Variants in GTF2I observed in about 807,000 individuals in gnomAD.
The protein encoded by GTF2I is general transcription factor II-I.
GTF2I carries 12 observed loss-of-function variants against 67.6 expected under a neutral mutation model. The ratio of observed to expected loss-of-function variants is 0.18; its 90% confidence interval spans 0.11 to 0.29. The LOEUF is 0.29. Among genes scored for constraint, GTF2I ranks in the 10% least tolerant of loss-of-function variants. GTF2I has a pLI of 1.00. For missense variants in GTF2I, 271 were observed against 580.1 expected, an observed-to-expected ratio of 0.47 and a Z score of 5.47; for synonymous variants, 149 against 197.0, an observed-to-expected ratio of 0.76 and a Z score of 2.04.
intron 8 of GTF2I, 70 bp downstream of exon 8, chr7:74,706,503 G>C: frequency 8.7e-7 from 1 of 1,145,726 alleles, no homozygotes; most frequent in Non-Finnish European, 1.3e-6. Context: ...GAAGTTTATA[G>C]TTTGACTCAA....
In GTF2I at chr7:74,683,130, AG is replaced by A. The variant is rs1787404669; in HGVS notation, c.-5-5992del. ...AATAGCTTAGAGTTTTCCACATCGAAGGATACCATTTCATAGTTAAGCCCAT... is the reference window on the plus strand; with the variant it reads ...AATAGCTTAGAGTTTTCCACATCGAAGATACCATTTCATAGTTAAGCCCAT... On this transcript the variant is annotated intron_variant, in intron 1 of 34. Coordinates refer to ENST00000573035, the MANE Select transcript of GTF2I (RefSeq NM_032999.4). 3.3e-5 allele frequency among the ~76,000 whole-genome samples: 5 copies of A among 152,340 alleles called. No individual in the cohort carries two copies. The South Asian group carries it at 1.0e-3, about 32-fold the overall frequency.
chr7:74,728,534 T>C (rs1554406171), intron 12 of GTF2I, among the ~76,000 whole-genome samples: 1 of 103,368 alleles, frequency 9.7e-6, no homozygotes, highest in Non-Finnish European at 1.9e-5. Flanking sequence ...ATAATGACAA[T>C]TCAAATGAAG....
chr7:74,701,542 C>G (rs2131344809), intron 6 of GTF2I, among the ~76,000 whole-genome samples: 1 of 152,094 alleles, frequency 6.6e-6, no homozygotes, highest in Non-Finnish European at 1.5e-5. Flanking sequence ...GCGATCTTGG[C>G]TCACTGCAGC....
chr7:74,713,369 C>A (rs921991287), intron 9 of GTF2I, among the ~76,000 whole-genome samples: 5 of 152,120 alleles, frequency 3.3e-5, no homozygotes, highest in Non-Finnish European at 4.4e-5. Context: ...TATGTACAGT[C>A]ATGTGGGAGA....
intron 1 of GTF2I, among the ~76,000 whole-genome samples, chr7:74,660,345 C>G (rs1804364793): frequency 6.6e-6 from 1 of 151,606 alleles, no homozygotes; most frequent in Non-Finnish European, 1.5e-5. Context: ...GCGCCTGCCC[C>G]CAAGCCCCGC....
chr7:74,708,098 G>T (rs2131381266), intron 8 of GTF2I, among the ~76,000 whole-genome samples: 1 of 152,198 alleles, frequency 6.6e-6, no homozygotes, highest in Middle Eastern at 3.4e-3. Context: ...TCAGGAGTTG[G>T]AGACCGGCCT....
intron 7 of GTF2I, among the ~76,000 whole-genome samples, chr7:74,705,619 G>C (rs782648191): frequency 6.6e-6 from 1 of 150,566 alleles, no homozygotes; most frequent in Admixed American, 6.7e-5. Context: ...GTGAAGTGGC[G>C]CGATCTCGGC....
In GTF2I at chr7:74,700,444, TC is replaced by T; in HGVS notation, c.557+17del. 1 of 1,613,972 alleles carries T rather than the reference TC, an allele frequency of 6.2e-7. No individual in the cohort carries two copies. Among genetic ancestry groups the T allele is most frequent in the Non-Finnish European group, 8.5e-7 (1 of 1,179,804 alleles). On this transcript the variant is annotated intron_variant, in intron 5 of 34. Coordinates refer to ENST00000573035, the MANE Select transcript of GTF2I (RefSeq NM_032999.4). ...CATCATTAAGAGGTGAAGTGCTTTC[TC>T]CCTTTGTACCCATCAACAGTTGATT... is the stretch of plus-strand genomic sequence containing the variant.
intron 18 of GTF2I, among the ~76,000 whole-genome samples, chr7:74,737,191 T>C: frequency 6.8e-6 from 1 of 147,320 alleles, no homozygotes. Flanking sequence ...AGACTCCATC[T>C]CAAAATAATT....
At chr7:74,689,037 AG>A in intron 1 of GTF2I, 86 bp from the exon 2 acceptor site, 1 of 735,938 alleles carries the variant, frequency 1.4e-6, no homozygotes, top group South Asian at 1.6e-5. Flanking sequence ...TAAATTAGGC[AG>A]CCGGTGAGGG....
chr7:74,684,257 CCTT>C (rs1469182799), intron 1 of GTF2I, among the ~76,000 whole-genome samples: 3 of 152,180 alleles, frequency 2.0e-5, no homozygotes, highest in African/African-American at 7.2e-5. Context: ...TTTTTCCAAC[CCTT>C]CTTATTTTAA....
intron 1 of GTF2I, among the ~76,000 whole-genome samples, chr7:74,660,894 C>T (rs587739139): frequency 1.3e-5 from 2 of 152,172 alleles, no homozygotes; most frequent in African/African-American, 4.8e-5. Flanking sequence ...CTCCACTTCC[C>T]CCTCCAGTTT....
intron 12 of GTF2I, 86 bp downstream of exon 12, chr7:74,719,027 A>G: frequency 1.4e-6 from 1 of 704,264 alleles, no homozygotes. Flanking sequence ...TATGCATTTC[A>G]TTCATTTTTA....
At chr7:74,703,864 C>T (rs193257723) in intron 6 of GTF2I, among the ~76,000 whole-genome samples, 7 of 152,250 alleles carry the variant, frequency 4.6e-5, no homozygotes, top group East Asian at 1.9e-4. Context: ...TCTTTTTGCA[C>T]GTGGATATCC....
At chr7:74,664,736 ACT>A (rs1241121773) in intron 1 of GTF2I, among the ~76,000 whole-genome samples, 3 of 151,172 alleles carry the variant, frequency 2.0e-5, no homozygotes, top group South Asian at 4.2e-4. Flanking sequence ...CCTGGCCAAC[ACT>A]CTATGTAGGA....
intron 1 of GTF2I, among the ~76,000 whole-genome samples, chr7:74,671,275 C>G (rs1003894749): frequency 5.3e-5 from 8 of 151,668 alleles, no homozygotes; most frequent in African/African-American, 1.9e-4. Flanking sequence ...TTGGTAGAGA[C>G]AGAATTTCAC....
At chr7:74,712,096 T>C (rs1791623328) in intron 9 of GTF2I, among the ~76,000 whole-genome samples, 2 of 151,912 alleles carry the variant, frequency 1.3e-5, no homozygotes, top group African/African-American at 4.8e-5. Flanking sequence ...ATAGCAGGTG[T>C]GTGCCAACAC....
intron 1 of GTF2I, chr7:74,688,807 A>T (rs1437216379): frequency 7.4e-6 from 2 of 270,050 alleles, no homozygotes; most frequent in African/African-American, 4.4e-5. Context: ...GTTGCCCGTC[A>T]CTGGGCTGTA....
rs587698889 is a variant in GTF2I, at chr7:74,721,791, C to T, written c.943+2850C>T. On this transcript the variant is annotated intron_variant, in intron 12 of 34. Coordinates refer to ENST00000573035, the MANE Select transcript of GTF2I (RefSeq NM_032999.4). ...TCTTCATAACAGAAAAATATATAGC[C>T]ATTGAAATCCTGATAATGTTTTCCA... 4.6e-5 allele frequency among the ~76,000 whole-genome samples: 7 copies of T among 151,534 alleles called. No individual in the cohort carries two copies. The East Asian group carries it at 1.2e-3, about 25-fold the overall frequency.
Sources: allele counts gnomAD v4.1 joint callset (sites outside exome capture counted in the v4.1 genomes callset), GRCh38; gene constraint gnomAD v4.1.1; transcripts MANE v1.5; gene names NCBI Gene and HGNC (gene_info 2026-07-23, HGNC 2026-07-21).